Variants in ZNF516 observed in about 807,000 individuals in gnomAD.
ZNF516 encodes zinc finger protein 516.
ZNF516 carries 19 observed loss-of-function variants against 79.7 expected under a neutral mutation model. The observed-to-expected ratio is 0.24, with a 90% confidence interval of 0.17 to 0.35. The LOEUF (loss-of-function observed/expected upper bound fraction) is 0.35. Among genes scored for constraint, ZNF516 ranks in the 10% least tolerant of loss-of-function variants. ZNF516 has a pLI of 1.00. For synonymous variants in ZNF516, 877 were observed against 739.5 expected, an observed-to-expected ratio of 1.19 and a Z score of -3.02; for missense variants, 1,678 against 1,679.5, an observed-to-expected ratio of 1.00 and a Z score of 0.02.
At chr18:76,416,170 A>G (rs1018035407) in intron 3 of ZNF516, among the ~76,000 whole-genome samples, 4 of 152,236 alleles carry the variant, frequency 2.6e-5, no homozygotes, top group Non-Finnish European at 4.4e-5. Flanking sequence ...TAGTAATGAA[A>G]ACCACTTTGC....
chr18:76,364,474 C>T (rs1237382687), intron 6 of ZNF516, among the ~76,000 whole-genome samples: 6 of 152,296 alleles, frequency 3.9e-5, no homozygotes, highest in East Asian at 1.9e-4. Flanking sequence ...GAGAAGCTTT[C>T]GGAAGATTTC....
intron 1 of ZNF516, chr18:76,492,699 C>T (rs1040610339): frequency 5.3e-5 from 52 of 983,690 alleles, no homozygotes; most frequent in Admixed American, 6.1e-5. Context: ...CCGCACGTTT[C>T]GAGTCCCCAG....
intron 1 of ZNF516, among the ~76,000 whole-genome samples, chr18:76,475,813 T>A (rs1392437222): frequency 2.0e-5 from 3 of 152,122 alleles, no homozygotes; most frequent in African/African-American, 7.2e-5. Flanking sequence ...TAAAAAAAAA[T>A]TAGTTGCAGA....
chr18:76,389,331 G>A (rs934825983), intron 3 of ZNF516: 3 of 152,156 alleles, frequency 2.0e-5, no homozygotes, highest in East Asian at 1.9e-4. Flanking sequence ...CCAAGATTGA[G>A]GAGGGCTGGG....
chr18:76,464,659 T>C (rs1302214930), intron 1 of ZNF516, among the ~76,000 whole-genome samples: 1 of 144,168 alleles, frequency 6.9e-6, no homozygotes, highest in African/African-American at 2.6e-5. Flanking sequence ...GCCTTGTCAT[T>C]TCAGACGGGG....
chr18:76,473,186 A>G (rs1913944692), intron 1 of ZNF516, among the ~76,000 whole-genome samples: 1 of 152,156 alleles, frequency 6.6e-6, no homozygotes, highest in African/African-American at 2.4e-5. Flanking sequence ...ATATTCCAAT[A>G]AAGAGAAAAG....
chr18:76,369,406 CA>C (rs772084511), intron 6 of ZNF516, among the ~76,000 whole-genome samples: 7 of 151,876 alleles, frequency 4.6e-5, no homozygotes, highest in African/African-American at 7.3e-5. Context: ...GAAATTCCAA[CA>C]AGGCAAAAAA....
chr18:76,441,897 G>T lies in ZNF516; in HGVS notation c.1158C>A (p.Cys386Ter). ...CGGCCGCCGACGGCCTCAGGTTCAG[G>T]CACTGGAGGAAGAACTGCTTGGTGT... ...PSDTKQFFLQCLNLRPSAAGD... is the reference protein window; with the variant it reads ...PSDTKQFFLQ Residue 386 changes from cysteine to a stop codon, truncating the protein, a stop_gained, in exon 3 of 7, where the codon TGC becomes TGA. Coordinates refer to ENST00000443185, the MANE Select transcript of ZNF516 (RefSeq NM_014643.4). LOFTEE classifies it high-confidence loss of function. 1 of 1,599,480 alleles carries T rather than the reference G, an allele frequency of 6.3e-7. No individual in the cohort carries two copies.
At chr18:76,471,659 C>G (rs1913848704) in intron 1 of ZNF516, among the ~76,000 whole-genome samples, 2 of 152,198 alleles carry the variant, frequency 1.3e-5, no homozygotes, top group African/African-American at 2.4e-5. Context: ...TCACTAGATC[C>G]CGTCACGCTA....
In ZNF516 at chr18:76,473,910, G is replaced by A. The variant is rs1006318545; in HGVS notation, c.-271-10769C>T. ...TTGTTGGTTGTTTTTGTGTGGGGGG[G>A]GGGGGGGCTTTCTTTTTGAGACAGG... is the stretch of plus-strand genomic sequence containing the variant. On this transcript the variant is annotated intron_variant, in intron 1 of 6. Transcript: ENST00000443185. Among the ~76,000 whole-genome samples, 172 of 143,632 alleles carry A rather than the reference G, an allele frequency of 1.2e-3. 13 individuals are homozygous for A. The highest frequency in any genetic ancestry group is 1.8e-3 in the Non-Finnish European group (119 of 64,478). The allele number at this position is 143,632 out of a possible 152,430, so 94.2% of individuals were successfully genotyped here.
intron 3 of ZNF516, among the ~76,000 whole-genome samples, chr18:76,432,220 T>C (rs1271383756): frequency 6.6e-6 from 1 of 152,240 alleles, no homozygotes; most frequent in Non-Finnish European, 1.5e-5. Flanking sequence ...CCGCAGCCTC[T>C]GCCTTCGGCA....
intron 1 of ZNF516, among the ~76,000 whole-genome samples, chr18:76,470,350 G>A (rs1400561408): frequency 6.6e-6 from 1 of 152,004 alleles, no homozygotes; most frequent in Non-Finnish European, 1.5e-5. Flanking sequence ...TTCCATGAAG[G>A]GAACATTTCT....
intron 3 of ZNF516, among the ~76,000 whole-genome samples, chr18:76,427,161 C>T (rs1256615190): frequency 6.6e-6 from 1 of 152,218 alleles, no homozygotes; most frequent in East Asian, 1.9e-4. Context: ...CCTTCACACT[C>T]TGGTGGCATG....
At chr18:76,415,746 A>C (rs2554830) in intron 3 of ZNF516, among the ~76,000 whole-genome samples, 1 of 151,946 alleles carries the variant, frequency 6.6e-6, no homozygotes, top group Non-Finnish European at 1.5e-5. Context: ...GCATAGAGAA[A>C]CCGGCTCAAA....
chr18:76,370,550 G>A lies in ZNF516; in HGVS notation c.3410C>T (p.Thr1137Ile), dbSNP rs763708619. The change falls in exon 6 of 7, where the codon ACC (threonine) becomes ATC (isoleucine). Residue 1137 changes from threonine to isoleucine, a missense_variant. Physicochemically the swap from Thr to Ile is moderately conservative, Grantham distance 89. This residue lies in a region of ZNF516 where 1,294 missense variants were observed against 1,248.3 expected (regional missense o/e 1.04). Transcript: ENST00000443185. Reference protein sequence around the residue: ...DGPRGSEVHTTSADAPKQGRD... With the variant: ...DGPRGSEVHTISADAPKQGRD... ...TACTTGTTTGGGGGCGTCTGCGGAG[G>A]TGGTATGAACTTCAGAACCCCGAGG... 3 of 1,608,488 alleles carry A rather than the reference G, an allele frequency of 1.9e-6. No individual in the cohort carries two copies. The highest frequency in any genetic ancestry group is 2.5e-6 in the Non-Finnish European group (3 of 1,177,230).
rs185657954 is a variant in ZNF516 at position 76,442,565 on chromosome 18, C to A, written c.490G>T (p.Ala164Ser). 5.6e-5 allele frequency: 89 copies of A among 1,598,558 alleles called. No individual in the cohort carries two copies. In the East Asian group the frequency reaches 1.5e-3, roughly 26 times the overall value. ...RSSKKGAEGS[A>S]CAPGEAKAAV... ...GCCTTGGCCTCCCCCGGGGCGCATGCGGACCCCTCTGCCCCCTTCTTGCTG... is the reference window on the plus strand; with the variant it reads ...GCCTTGGCCTCCCCCGGGGCGCATGAGGACCCCTCTGCCCCCTTCTTGCTG... Residue 164 changes from alanine to serine, a missense_variant, in exon 3 of 7, where the codon GCA becomes TCA. Ala to Ser is a moderately conservative substitution (Grantham distance 99). Around this residue, in one of 5 missense-constraint regions of ZNF516, gnomAD observed 279 missense variants for 254.1 expected, o/e 1.10. Coordinates refer to ENST00000443185, the MANE Select transcript of ZNF516 (RefSeq NM_014643.4).
chr18:76,448,710 C>T (rs941645401), intron 2 of ZNF516, among the ~76,000 whole-genome samples: 3 of 152,114 alleles, frequency 2.0e-5, no homozygotes, highest in South Asian at 2.1e-4. Context: ...CAGGGGCTAA[C>T]GAGGGTATCC....
At position 76,420,808 on chromosome 18, in the gene ZNF516, A is replaced by G. The variant is rs546132926; in HGVS notation, c.1810+20437T>C. On this transcript the variant is annotated intron_variant, in intron 3 of 6. Transcript: ENST00000443185. ...AAGTAAAAATGTACTTTCATCAGGA[A>G]AGTTTATGCTTAGTAGTGAAATTCC... Among the ~76,000 whole-genome samples, 110 of 152,348 alleles carry G rather than the reference A, an allele frequency of 7.2e-4. 1 individual carries two copies. Among genetic ancestry groups the G allele is most frequent in the African/African-American group, 2.4e-3 (99 of 41,572 alleles).
intron 3 of ZNF516, among the ~76,000 whole-genome samples, chr18:76,440,259 G>A (rs577687445): frequency 1.3e-5 from 2 of 152,170 alleles, no homozygotes; most frequent in African/African-American, 2.4e-5. Context: ...CTCTAATAAG[G>A]AAAAATGACA....
Sources: allele counts gnomAD v4.1 joint callset (sites outside exome capture counted in the v4.1 genomes callset), GRCh38; gene constraint gnomAD v4.1.1; regional missense constraint gnomAD v4.1.1; transcripts MANE v1.5; gene names NCBI Gene and HGNC (gene_info 2026-07-23, HGNC 2026-07-21).